Variants in PLCXD3 observed in about 807,000 individuals in gnomAD.
PLCXD3 encodes PI-PLC X domain-containing protein 3.
A neutral mutation model predicts 25.5 loss-of-function variants in PLCXD3; 19 were observed. The observed-to-expected ratio is 0.75, with a 90% CI of 0.52 to 1.09. The LOEUF (loss-of-function observed/expected upper bound fraction) is 1.09. Among genes scored for constraint, PLCXD3 ranks in the 50% least tolerant of loss-of-function variants. PLCXD3 has a pLI of 0.00. For synonymous variants in PLCXD3, 174 were observed against 137.6 expected (o/e 1.26, Z -1.85); for missense variants, 411 against 388.1 (o/e 1.06, Z -0.50).
At chr5:41,469,593 G>A (rs1462604074) in intron 1 of PLCXD3, among the ~76,000 whole-genome samples, 1 of 151,144 alleles carries the variant, frequency 6.6e-6, no homozygotes, top group Admixed American at 6.6e-5. Context: ...AAGTTGTATT[G>A]TGTCTAGGAA....
rs557170765 is a variant in PLCXD3, at chr5:41,492,606, C to G, written c.103+17818G>C. 8.5e-5 allele frequency among the ~76,000 whole-genome samples: 13 copies of G among 152,302 alleles called. No homozygotes were observed. In the East Asian group the frequency reaches 1.2e-3, roughly 14 times the overall value. ...GTAGATTTGATCTTTTCACATAGTC[C>G]CATATTTCTTGGAGGCTTTGTTCGT... On this transcript the variant is annotated intron_variant, in intron 1 of 2. Transcript: ENST00000377801.
chr5:41,333,818 T>C (rs1411539187), intron 2 of PLCXD3, among the ~76,000 whole-genome samples: 1 of 152,120 alleles, frequency 6.6e-6, no homozygotes, highest in African/African-American at 2.4e-5. Flanking sequence ...ATTATAACTA[T>C]TTAGGTGTAA....
chr5:41,364,721 C>G (rs1021810197), intron 2 of PLCXD3, among the ~76,000 whole-genome samples: 2 of 152,152 alleles, frequency 1.3e-5, no homozygotes, highest in Non-Finnish European at 2.9e-5. Context: ...AAAAGCAGTG[C>G]AAAGGCCAAC....
At chr5:41,364,466 A>G (rs1246841091) in intron 2 of PLCXD3, among the ~76,000 whole-genome samples, 2 of 152,180 alleles carry the variant, frequency 1.3e-5, no homozygotes, top group South Asian at 2.1e-4. Flanking sequence ...TTCCTTCACC[A>G]AAGGATACGA....
chr5:41,433,635 T>C (rs973493026), intron 1 of PLCXD3, among the ~76,000 whole-genome samples: 1 of 152,154 alleles, frequency 6.6e-6, no homozygotes, highest in Non-Finnish European at 1.5e-5. Flanking sequence ...GGTGCCAAAG[T>C]GTTTCTTCTA....
rs147889429 is a variant in PLCXD3 at position 41,361,545 on chromosome 5, C to T, written c.812+20281G>A. Among the ~76,000 whole-genome samples, 6 of 152,322 alleles carry T rather than the reference C, an allele frequency of 3.9e-5. 1 individual carries two copies. The highest frequency in any genetic ancestry group is 1.4e-4 in the African/African-American group (6 of 41,566). ...GCAAGCTAGCCTTGCCTTGTATCTG[C>T]CATCTTTCAATCCCTAATATCCACT... On this transcript the variant is annotated intron_variant, in intron 2 of 2. Coordinates refer to ENST00000377801, the MANE Select transcript of PLCXD3 (RefSeq NM_001005473.3).
intron 2 of PLCXD3, among the ~76,000 whole-genome samples, chr5:41,331,006 A>C (rs1743786532): frequency 6.6e-6 from 1 of 152,010 alleles, no homozygotes; most frequent in African/African-American, 2.4e-5. Context: ...ATGGGCAAAA[A>C]CTGGAAGCAT....
At chr5:41,405,788 G>T (rs1320347886) in intron 1 of PLCXD3, among the ~76,000 whole-genome samples, 2 of 151,566 alleles carry the variant, frequency 1.3e-5, no homozygotes, top group African/African-American at 2.4e-5. Flanking sequence ...GTTTTGTTTT[G>T]TTTTGTTTAC....
At chr5:41,490,063 C>T (rs960366225) in intron 1 of PLCXD3, among the ~76,000 whole-genome samples, 7 of 152,014 alleles carry the variant, frequency 4.6e-5, no homozygotes, top group African/African-American at 1.7e-4. Flanking sequence ...ATGATATTGG[C>T]TGTGGGTTTG....
At position 41,444,954 on chromosome 5, in the gene PLCXD3, G is replaced by T. The variant is rs73750175; in HGVS notation, c.104-62420C>A. Among the ~76,000 whole-genome samples, 599 of 152,188 alleles carry T rather than the reference G, an allele frequency of 3.9e-3. 3 individuals carry two copies. Among genetic ancestry groups the T allele is most frequent in the African/African-American group, 0.014 (572 of 41,516 alleles). ...TAAAACGTAAGGAAGGGAAATAGTT[G>T]GTTTATATTCTTGAAGTAAAAGTAA... is the stretch of plus-strand genomic sequence containing the variant. On this transcript the variant is annotated intron_variant, in intron 1 of 2. Transcript: ENST00000377801.
Position 41,348,956 on chromosome 5 carries a change from C to A in PLCXD3, c.812+32870G>T, listed in dbSNP as rs1461705892. Among the ~76,000 whole-genome samples the A allele has an allele frequency of 2.0e-5, 3 of 152,178 alleles. No homozygotes were observed. In the East Asian group the frequency reaches 5.8e-4, roughly 29 times the overall value. On this transcript the variant is annotated intron_variant, in intron 2 of 2. Transcript: ENST00000377801. ...AAAAGGTCAAATAATAACCACACAT[C>A]CATGTACTTGCTCTGGTTTTCCAGT...
At chr5:41,406,603 T>A (rs1746359579) in intron 1 of PLCXD3, among the ~76,000 whole-genome samples, 1 of 152,112 alleles carries the variant, frequency 6.6e-6, no homozygotes, top group African/African-American at 2.4e-5. Flanking sequence ...TGTAGAGGCA[T>A]AAATCCTCTC....
intron 1 of PLCXD3, among the ~76,000 whole-genome samples, chr5:41,498,905 A>G (rs1360072302): frequency 6.6e-6 from 1 of 151,744 alleles, no homozygotes; most frequent in Non-Finnish European, 1.5e-5. Context: ...GATAAAAATA[A>G]CATGATCATA....
intron 2 of PLCXD3, among the ~76,000 whole-genome samples, chr5:41,319,788 GA>G (rs914818593): frequency 6.6e-6 from 1 of 151,708 alleles, no homozygotes; most frequent in African/African-American, 2.4e-5. Flanking sequence ...CAATTGAAAT[GA>G]AAAAAATACA....
intron 2 of PLCXD3, among the ~76,000 whole-genome samples, chr5:41,350,197 G>T (rs1392030988): frequency 6.6e-6 from 1 of 152,068 alleles, no homozygotes; most frequent in Non-Finnish European, 1.5e-5. Flanking sequence ...TCATAGCTCA[G>T]TTGTTTCATT....
At chr5:41,454,352 A>G (rs1747704096) in intron 1 of PLCXD3, among the ~76,000 whole-genome samples, 1 of 151,980 alleles carries the variant, frequency 6.6e-6, no homozygotes, top group African/African-American at 2.4e-5. Context: ...TGGGTTGCCT[A>G]AGATCTAAGT....
At chr5:41,319,413 C>T (rs1434629482) in intron 2 of PLCXD3, among the ~76,000 whole-genome samples, 2 of 152,158 alleles carry the variant, frequency 1.3e-5, no homozygotes, top group Non-Finnish European at 2.9e-5. Flanking sequence ...CAAACATCTT[C>T]TCTGACCACA....
chr5:41,472,343 G>C (rs570366622), intron 1 of PLCXD3, among the ~76,000 whole-genome samples: 2 of 152,256 alleles, frequency 1.3e-5, no homozygotes, highest in African/African-American at 4.8e-5. Context: ...CATTTGGAGA[G>C]TATGGCCTAA....
At chr5:41,407,860 TA>T in intron 1 of PLCXD3, among the ~76,000 whole-genome samples, 1 of 152,330 alleles carries the variant, frequency 6.6e-6, no homozygotes, top group African/African-American at 2.4e-5. Flanking sequence ...TCATATTGTG[TA>T]AAGCCTCCTC....
Sources: gnomAD v4.1 joint callset for allele counts (sites outside exome capture counted in the v4.1 genomes callset) on GRCh38, gnomAD v4.1.1 for gene constraint, MANE v1.5 for transcripts, NCBI Gene and HGNC (gene_info 2026-07-23, HGNC 2026-07-21) for gene names.